Variants in OGFRL1 observed in about 807,000 individuals in gnomAD.
The protein encoded by OGFRL1 is opioid growth factor receptor like 1, also known as opioid growth factor receptor-like protein 1.
A neutral mutation model predicts 32.4 loss-of-function variants in OGFRL1; 26 were observed. That is an observed-to-expected ratio of 0.80 (90% confidence interval 0.59 to 1.11). The LOEUF (loss-of-function observed/expected upper bound fraction) is 1.11. Among genes scored for constraint, OGFRL1 ranks in the 50% most tolerant of loss-of-function variants. The pLI, the probability that OGFRL1 is intolerant of heterozygous loss-of-function variation, is 0.00. For synonymous variants in OGFRL1, 211 were observed against 201.2 expected, an observed-to-expected ratio of 1.05 and a Z score of -0.41; for missense variants, 521 against 546.4, an observed-to-expected ratio of 0.95 and a Z score of 0.46.
At chr6:71,297,689 A>G (rs1222239369) in intron 6 of OGFRL1, among the ~76,000 whole-genome samples, 1 of 151,938 alleles carries the variant, frequency 6.6e-6, no homozygotes, top group African/African-American at 2.4e-5. Context: ...AACCTAAGCA[A>G]TTTTCCTTTG....
chr6:71,290,361 C>A (rs2094448119), intron 1 of OGFRL1, among the ~76,000 whole-genome samples: 1 of 152,212 alleles, frequency 6.6e-6, no homozygotes, highest in Non-Finnish European at 1.5e-5. Context: ...TTTTGCATTG[C>A]TAATTCAATC....
rs1238449567 is a variant in OGFRL1 at position 71,302,764 on chromosome 6, C to T, written c.*715C>T. The T allele has an allele frequency of 2.0e-5, 3 of 152,250 alleles. No homozygotes were observed. Among genetic ancestry groups the T allele is most frequent in the Non-Finnish European group, 2.9e-5 (2 of 68,098 alleles). The allele number at this position is 152,250 out of a possible 1,614,324, so 9.4% of individuals were successfully genotyped here. On this transcript the variant is annotated 3_prime_UTR_variant, in exon 7 of 7. Transcript: ENST00000370435. ...GGATTACAGGCATGAGCCACCATGT[C>T]TGGCTGATTAATTTTTTTTTTAACT...
intron 6 of OGFRL1, among the ~76,000 whole-genome samples, chr6:71,299,870 A>G (rs1766330366): frequency 6.6e-6 from 1 of 152,216 alleles, no homozygotes; most frequent in Non-Finnish European, 1.5e-5. Flanking sequence ...TTGAATGTTA[A>G]GACAATAATT....
chr6:71,292,550 T>C (rs1249000210), intron 1 of OGFRL1, among the ~76,000 whole-genome samples: 1 of 152,206 alleles, frequency 6.6e-6, no homozygotes, highest in African/African-American at 2.4e-5. Context: ...TCTTATACTT[T>C]AAAAATCAGT....
rs937731294 is a variant in OGFRL1 at position 71,302,232 on chromosome 6, G to T, written c.*183G>T. Reference sequence around the variant, plus strand: ...CAATGAATTGAATATCTAATAAGGAGATTTAAGATAAGACCCAATAAATGA... The same window carrying T: ...CAATGAATTGAATATCTAATAAGGATATTTAAGATAAGACCCAATAAATGA... On this transcript the variant is annotated 3_prime_UTR_variant, in exon 7 of 7. Coordinates refer to ENST00000370435, the MANE Select transcript of OGFRL1 (RefSeq NM_024576.5). 3 of 458,958 alleles carry T rather than the reference G, an allele frequency of 6.5e-6. No individual in the cohort carries two copies. Among genetic ancestry groups the T allele is most frequent in the East Asian group, 3.5e-5 (1 of 28,440 alleles). 28.4% of individuals were successfully genotyped at this position (458,958 alleles called of 1,614,324 possible).
In OGFRL1 at chr6:71,300,958, C is replaced by T. The variant is rs536819635; in HGVS notation, c.693-428C>T. Among the ~76,000 whole-genome samples, 5 of 152,286 alleles carry T rather than the reference C, an allele frequency of 3.3e-5. No homozygotes were observed. The South Asian group carries it at 1.0e-3, about 32-fold the overall frequency. On this transcript the variant is annotated intron_variant, in intron 6 of 6. Coordinates refer to ENST00000370435, the MANE Select transcript of OGFRL1 (RefSeq NM_024576.5). Reference sequence around the variant, plus strand: ...TATCAGCTGGCACTATAAATTGTACCAGTCAGCTGTTAGCTAATGTGTTTA... The same window carrying T: ...TATCAGCTGGCACTATAAATTGTACTAGTCAGCTGTTAGCTAATGTGTTTA...
intron 1 of OGFRL1, among the ~76,000 whole-genome samples, chr6:71,292,868 T>C (rs1287570747): frequency 2.0e-5 from 3 of 152,196 alleles, no homozygotes; most frequent in Admixed American, 6.5e-5. Flanking sequence ...ACAATTTTCT[T>C]TGTAGAATTG....
intron 1 of OGFRL1, among the ~76,000 whole-genome samples, chr6:71,292,780 G>C (rs1435405627): frequency 6.6e-6 from 1 of 152,090 alleles, no homozygotes; most frequent in Admixed American, 6.5e-5. Flanking sequence ...AGTTTAGAAA[G>C]CTAGTTTGTT....
intron 1 of OGFRL1, 102 bp downstream of exon 1, chr6:71,289,272 G>A: frequency 2.0e-6 from 2 of 1,012,548 alleles, no homozygotes; most frequent in African/African-American, 1.7e-5. Flanking sequence ...GGGGCGCCAG[G>A]TGGCTGCTCG....
chr6:71,306,832 C>T lies in OGFRL1; in HGVS notation c.*4783C>T, dbSNP rs1582568003. On this transcript the variant is annotated 3_prime_UTR_variant, in exon 7 of 7. Coordinates refer to ENST00000370435, the MANE Select transcript of OGFRL1 (RefSeq NM_024576.5). Reference sequence around the variant, plus strand: ...TACTACAAATAATATTTATGTTTTGCTTCTTCTTAGATGTAGGCGGATGCA... The same window carrying T: ...TACTACAAATAATATTTATGTTTTGTTTCTTCTTAGATGTAGGCGGATGCA... The T allele has an allele frequency of 6.6e-6, 1 of 152,158 alleles. No homozygotes were observed. Among genetic ancestry groups the T allele is most frequent in the East Asian group, 1.9e-4 (1 of 5,178 alleles). The allele number at this position is 152,158 out of a possible 1,614,324, so 9.4% of individuals were successfully genotyped here.
rs1348418883 is a variant in OGFRL1 at position 71,296,549 on chromosome 6, A to G, written c.534A>G (p.Thr178=). The G allele has an allele frequency of 6.2e-6, 10 of 1,611,866 alleles. No homozygotes were observed. Among genetic ancestry groups the G allele is most frequent in the East Asian group, 2.2e-5 (1 of 44,836 alleles). The part of the protein sequence containing the change: ...GLNFYAKELT[T]YEIEEFKKTK... ...ACTTCTATGCCAAAGAACTAACTAC[A>G]TATGAAATTGAGGTAATGCAAGCTC... is the stretch of plus-strand genomic sequence containing the variant. Residue 178 remains threonine (T), a synonymous_variant, in exon 5 of 7, where the codon ACA becomes ACG. Transcript: ENST00000370435.
At chr6:71,299,858 A>T (rs1475622216) in intron 6 of OGFRL1, among the ~76,000 whole-genome samples, 1 of 152,224 alleles carries the variant, frequency 6.6e-6, no homozygotes, top group African/African-American at 2.4e-5. Context: ...TGGGCTTCAC[A>T]GTTGAATGTT....
chr6:71,304,900 T>C lies in OGFRL1; in HGVS notation c.*2851T>C, dbSNP rs1766500727. 6.6e-6 allele frequency: 1 copy of C among 152,070 alleles called. No individual in the cohort carries two copies. Among genetic ancestry groups the C allele is most frequent in the South Asian group, 2.1e-4 (1 of 4,836 alleles). 9.4% of individuals were successfully genotyped at this position (152,070 alleles called of 1,614,324 possible). On this transcript the variant is annotated 3_prime_UTR_variant, in exon 7 of 7. Transcript: ENST00000370435. ...ATATCATTCCTTTTGGAGATAAACA[T>C]TGAGTGTCTAGAATTTTTTTCTATT...
At chr6:71,292,445 G>A (rs1230766493) in intron 1 of OGFRL1, among the ~76,000 whole-genome samples, 1 of 152,164 alleles carries the variant, frequency 6.6e-6, no homozygotes, top group Non-Finnish European at 1.5e-5. Context: ...ACTCTTAAAG[G>A]TCTAAAGTTT....
chr6:71,297,995 T>C (rs1007642005), intron 6 of OGFRL1, among the ~76,000 whole-genome samples: 9 of 125,282 alleles, frequency 7.2e-5, no homozygotes, highest in Non-Finnish European at 1.3e-4. Context: ...GATGTTCCCC[T>C]TCCTGTGTCC....
chr6:71,289,592 A>G (rs1582546814), intron 1 of OGFRL1: 1 of 978,582 alleles, frequency 1.0e-6, no homozygotes, highest in East Asian at 1.1e-4. Flanking sequence ...TACTCAGAAT[A>G]AGGTGGGGCT....
In OGFRL1 at chr6:71,296,681, A is replaced by G. The variant is rs1766221028; in HGVS notation, c.556A>G (p.Lys186Glu). Residue 186 changes from lysine to glutamate, a missense_variant, in exon 6 of 7, where the codon AAA becomes GAA. Physicochemically the swap from Lys to Glu is moderately conservative, Grantham distance 56. Coordinates refer to ENST00000370435, the MANE Select transcript of OGFRL1 (RefSeq NM_024576.5). ...TCATTTTTTATATTAGGAATTCAAA[A>G]AAACAAAAGAAGCAATTAGAAGATT... ...LTTYEIEEFK[K>E]TKEAIRRFLL... is the part of the protein sequence containing the mutation. 1.2e-6 allele frequency: 2 copies of G among 1,610,644 alleles called. No individual in the cohort carries two copies. The highest frequency in any genetic ancestry group is 1.7e-6 in the Non-Finnish European group (2 of 1,178,912).
rs1477883226 is a variant in OGFRL1 at position 71,307,758 on chromosome 6, C to T, written c.*5709C>T. On this transcript the variant is annotated 3_prime_UTR_variant, in exon 7 of 7. Transcript: ENST00000370435. ...TTTGGTACTAAGAAACATTTACATT[C>T]TACACTCATTAGTCAAATGAACTTT... is the stretch of plus-strand genomic sequence containing the variant. 1 of 152,174 alleles carries T rather than the reference C, an allele frequency of 6.6e-6. No homozygotes were observed. Among genetic ancestry groups the T allele is most frequent in the Non-Finnish European group, 1.5e-5 (1 of 68,044 alleles). 9.4% of individuals were successfully genotyped at this position (152,174 alleles called of 1,614,324 possible).
rs539123530 is a variant in OGFRL1, at chr6:71,308,945, A to G, written c.*6896A>G. The stretch of plus-strand genomic sequence containing the variant: ...GATTAAAATATTTTTAAAGAACTAG[A>G]AAAAATGACTTGCTGTTTTCCTGTC... On this transcript the variant is annotated 3_prime_UTR_variant, in exon 7 of 7. Transcript: ENST00000370435. 1.3e-5 allele frequency: 2 copies of G among 152,324 alleles called. No individual in the cohort carries two copies. Among genetic ancestry groups the G allele is most frequent in the African/African-American group, 2.4e-5 (1 of 41,592 alleles). 9.4% of individuals were successfully genotyped at this position (152,324 alleles called of 1,614,324 possible). A position where few individuals can be genotyped will look rare whatever the true frequency, so the allele number is the denominator to read the frequency against.
Sources: gnomAD v4.1 joint callset for allele counts (sites outside exome capture counted in the v4.1 genomes callset) on GRCh38, gnomAD v4.1.1 for gene constraint, MANE v1.5 for transcripts, NCBI Gene and HGNC (gene_info 2026-07-23, HGNC 2026-07-21) for gene names.